The following BMAL2 variants were observed in gnomAD, a reference collection of about 807,000 sequenced individuals.
BMAL2 encodes basic helix-loop-helix ARNT like 2, also known as basic helix-loop-helix ARNT-like protein 2.
the BMAL2 span, among the ~76,000 whole-genome samples, chr12:27,396,687 C>A: frequency 6.6e-6 from 1 of 152,202 alleles, no homozygotes. Flanking sequence ...CACTCAGAGG[C>A]AAATATCTTT....
At chr12:27,345,725 A>G in the BMAL2 span, among the ~76,000 whole-genome samples, 5 of 151,748 alleles carry the variant, frequency 3.3e-5, no homozygotes, top group South Asian at 1.0e-3. Context: ...CGGGTCTCCA[A>G]CTCCTGGGCT....
the BMAL2 span, among the ~76,000 whole-genome samples, chr12:27,340,041 G>T: frequency 6.6e-6 from 1 of 152,084 alleles, no homozygotes; most frequent in Admixed American, 6.6e-5. Context: ...CTGCCATTCT[G>T]TTGTAGGTTG....
chr12:27,354,606 CATT>C, the BMAL2 span, among the ~76,000 whole-genome samples: 1 of 152,194 alleles, frequency 6.6e-6, no homozygotes, highest in Non-Finnish European at 1.5e-5. Context: ...ACAGTCAACA[CATT>C]GTTTTGTGCA....
At chr12:27,382,727 G>A in the BMAL2 span, among the ~76,000 whole-genome samples, 1 of 152,182 alleles carries the variant, frequency 6.6e-6, no homozygotes, top group Admixed American at 6.5e-5. Context: ...ATCAACAGAG[G>A]GCTGCCTGTG....
the BMAL2 span, among the ~76,000 whole-genome samples, chr12:27,409,439 C>T: frequency 6.6e-6 from 1 of 152,076 alleles, no homozygotes; most frequent in African/African-American, 2.4e-5. Flanking sequence ...GAAATAATGC[C>T]ACATATCTAC....
the BMAL2 span, among the ~76,000 whole-genome samples, chr12:27,372,838 T>C: frequency 6.6e-6 from 1 of 152,090 alleles, no homozygotes; most frequent in Non-Finnish European, 1.5e-5. Context: ...CACACCTGGC[T>C]AATTTTTTGT....
chr12:27,417,664 C>G, the BMAL2 span, among the ~76,000 whole-genome samples: 1 of 152,232 alleles, frequency 6.6e-6, no homozygotes, highest in South Asian at 2.1e-4. Context: ...GCAGTTGTAG[C>G]ATTGGTGGCA....
the BMAL2 span, among the ~76,000 whole-genome samples, chr12:27,383,478 G>A: frequency 5.9e-5 from 9 of 152,180 alleles, no homozygotes; most frequent in Middle Eastern, 3.4e-3. Context: ...GCATTTACTG[G>A]CCAGCCTCTA....
the BMAL2 span, chr12:27,421,186 C>T: frequency 6.6e-6 from 1 of 152,164 alleles, no homozygotes; most frequent in African/African-American, 2.4e-5. Flanking sequence ...AGAGTTTCAG[C>T]TTTCCTTACA....
chr12:27,383,795 C>T, the BMAL2 span, among the ~76,000 whole-genome samples: 1 of 152,170 alleles, frequency 6.6e-6, no homozygotes, highest in Admixed American at 6.5e-5. Flanking sequence ...ATTCCCTGAG[C>T]CCTAGGATGA....
At chr12:27,408,006 A>C in the BMAL2 span, among the ~76,000 whole-genome samples, 26 of 152,148 alleles carry the variant, frequency 1.7e-4, no homozygotes, top group Non-Finnish European at 2.6e-4. Context: ...GAAATGGATA[A>C]ATTCCTGACA....
chr12:27,372,842 T>C, the BMAL2 span, among the ~76,000 whole-genome samples: 1 of 151,982 alleles, frequency 6.6e-6, no homozygotes, highest in Admixed American at 6.5e-5. Context: ...CCTGGCTAAT[T>C]TTTTGTATTA....
chr12:27,390,115 T>C, the BMAL2 span: 3 of 1,613,840 alleles, frequency 1.9e-6, no homozygotes, highest in African/African-American at 2.7e-5. Flanking sequence ...AAGTTCACAG[T>C]AATCTCCACG....
the BMAL2 span, chr12:27,400,780 C>T: frequency 1.3e-6 from 2 of 1,593,414 alleles, no homozygotes; most frequent in African/African-American, 2.7e-5. Context: ...CAAAGGTAAA[C>T]ATTTACATGT....
chr12:27,372,894 C>G, the BMAL2 span, among the ~76,000 whole-genome samples: 1 of 152,100 alleles, frequency 6.6e-6, no homozygotes, highest in African/African-American at 2.4e-5. Context: ...AGGATGGTCT[C>G]GATCTCCTGA....
chr12:27,406,804 T>G, the BMAL2 span, among the ~76,000 whole-genome samples: 19 of 152,058 alleles, frequency 1.2e-4, no homozygotes, highest in Non-Finnish European at 1.8e-4. Context: ...TGGCAAATTG[T>G]ATAAAGAGTC....
the BMAL2 span, among the ~76,000 whole-genome samples, chr12:27,378,132 A>G: frequency 1.3e-5 from 2 of 152,234 alleles, no homozygotes; most frequent in Admixed American, 1.3e-4. Flanking sequence ...GCAAAGTGTG[A>G]CAGGTAAAAT....
At chr12:27,409,970 T>C in the BMAL2 span, among the ~76,000 whole-genome samples, 1 of 152,106 alleles carries the variant, frequency 6.6e-6, no homozygotes, top group African/African-American at 2.4e-5. Context: ...AAGACATTTA[T>C]GCAGCCAAAA....
chr12:27,358,763 A>T, the BMAL2 span, among the ~76,000 whole-genome samples: 1 of 152,276 alleles, frequency 6.6e-6, no homozygotes, highest in Admixed American at 6.5e-5. Flanking sequence ...CAAAAAATAT[A>T]CAGGATTATA....
Sources: gnomAD v4.1 joint callset for allele counts (sites outside exome capture counted in the v4.1 genomes callset) on GRCh38, gnomAD v4.1.1 for gene constraint, MANE v1.5 for transcripts, NCBI Gene and HGNC (gene_info 2026-07-23, HGNC 2026-07-21) for gene names.